Variants in FAM78B observed in about 807,000 individuals in gnomAD.
The protein encoded by FAM78B is family with sequence similarity 78 member B.
In FAM78B, 10 loss-of-function variants were observed where a neutral mutation model predicts 20.0. That is an observed-to-expected ratio of 0.50 (90% CI 0.31 to 0.85). The LOEUF (loss-of-function observed/expected upper bound fraction) is 0.85. Among genes scored for constraint, FAM78B ranks in the 40% least tolerant of loss-of-function variants. The pLI, the probability that FAM78B is intolerant of heterozygous loss-of-function variation, is 0.05. For missense variants in FAM78B, 283 were observed against 345.0 expected, an observed-to-expected ratio of 0.82 and a Z score of 1.42; for synonymous variants, 135 against 132.8, an observed-to-expected ratio of 1.02 and a Z score of -0.12.
In FAM78B at chr1:166,150,206, C is replaced by T. The variant is rs937662055; in HGVS notation, c.263+15780G>A. Among the ~76,000 whole-genome samples the T allele has an allele frequency of 2.7e-5, 4 of 150,000 alleles. No homozygotes were observed. In the East Asian group the frequency reaches 7.9e-4, roughly 30 times the overall value. The stretch of plus-strand genomic sequence containing the variant: ...TTGTGCCTAGTGCACAGTGGGACAA[C>T]GTGCTGGACTCTCTTGTCCTTGGCC... On this transcript the variant is annotated intron_variant, in intron 1 of 1. Transcript: ENST00000354422.
At chr1:166,109,882 G>GTATGTA (rs1653965206) in intron 1 of FAM78B, among the ~76,000 whole-genome samples, 1 of 12,250 alleles carries the variant, frequency 8.2e-5, no homozygotes, top group Non-Finnish European at 2.4e-4. Flanking sequence ...ATATATATAT[G>GTATGTA]TATATATGTA....
chr1:166,073,301 C>G (rs1652121527), intron 1 of FAM78B, among the ~76,000 whole-genome samples: 1 of 152,196 alleles, frequency 6.6e-6, no homozygotes, highest in Non-Finnish European at 1.5e-5. Context: ...TTCCTCAGGT[C>G]AGAGGCATGT....
At chr1:166,114,183 G>A (rs754864272) in intron 1 of FAM78B, among the ~76,000 whole-genome samples, 25 of 152,098 alleles carry the variant, frequency 1.6e-4, no homozygotes, top group African/African-American at 5.6e-4. Context: ...TTGCACATTC[G>A]AATTTTTGAG....
At chr1:166,122,531 G>A (rs1189972254) in intron 1 of FAM78B, among the ~76,000 whole-genome samples, 2 of 152,120 alleles carry the variant, frequency 1.3e-5, no homozygotes, top group African/African-American at 4.8e-5. Context: ...GATATTAACA[G>A]GCCTCAGAAT....
intron 1 of FAM78B, among the ~76,000 whole-genome samples, chr1:166,092,006 T>G (rs1347640309): frequency 6.6e-6 from 1 of 150,386 alleles, no homozygotes; most frequent in South Asian, 2.1e-4. Context: ...GGACAGACAC[T>G]GTGTGGTTAA....
At chr1:166,161,526 G>A (rs1656147618) in intron 1 of FAM78B, among the ~76,000 whole-genome samples, 1 of 152,238 alleles carries the variant, frequency 6.6e-6, no homozygotes, top group Admixed American at 6.5e-5. Flanking sequence ...GTGGGAGGCA[G>A]ACTGGAGGGG....
chr1:166,166,682 C>T lies in FAM78B; in HGVS notation c.-434G>A, dbSNP rs1232369967. 6.7e-6 allele frequency: 1 copy of T among 149,826 alleles called. No individual in the cohort carries two copies. The highest frequency in any genetic ancestry group is 1.5e-5 in the Non-Finnish European group (1 of 67,078). The allele number at this position is 149,826 out of a possible 1,614,324, so 9.3% of individuals were successfully genotyped here. ...GAGGGCGGCGGTGGCAGCGCCCGGT[C>T]TGTCTGCCTCCGCGGCGGCAGCAGC... On this transcript the variant is annotated 5_prime_UTR_variant, in exon 1 of 2. Transcript: ENST00000354422.
chr1:166,101,998 AAC>A (rs1653543791), intron 1 of FAM78B, among the ~76,000 whole-genome samples: 1 of 152,232 alleles, frequency 6.6e-6, no homozygotes, highest in Admixed American at 6.5e-5. Flanking sequence ...CCATCAGACT[AAC>A]AGCTGAACTC....
chr1:166,078,816 A>G (rs6703870), intron 1 of FAM78B, among the ~76,000 whole-genome samples: 76,735 of 151,888 alleles, frequency 0.51, 19,867 homozygotes, highest in East Asian at 0.72. Context: ...GGGGAACCAC[A>G]CATGGAGGAC....
chr1:166,161,946 C>T (rs1339941398), intron 1 of FAM78B, among the ~76,000 whole-genome samples: 1 of 152,130 alleles, frequency 6.6e-6, no homozygotes. Flanking sequence ...GGTTATCTCT[C>T]ACCATTAGGA....
intron 1 of FAM78B, among the ~76,000 whole-genome samples, chr1:166,105,661 A>G (rs995991371): frequency 1.3e-5 from 2 of 152,232 alleles, no homozygotes; most frequent in Non-Finnish European, 2.9e-5. Flanking sequence ...ATGAGACACT[A>G]TCTCACACCA....
At chr1:166,098,035 C>T (rs1219832538) in intron 1 of FAM78B, among the ~76,000 whole-genome samples, 16 of 152,174 alleles carry the variant, frequency 1.1e-4, no homozygotes, top group Admixed American at 1.0e-3. Flanking sequence ...CTGAGAGAAC[C>T]ATAGACCCAC....
In FAM78B at chr1:166,070,462, T is replaced by C. The variant is rs149784255; in HGVS notation, c.565A>G (p.Ile189Val). The C allele has an allele frequency of 4.2e-4, 685 of 1,614,226 alleles. No individual in the cohort carries two copies. Among genetic ancestry groups the C allele is most frequent in the Non-Finnish European group, 5.3e-4 (624 of 1,180,038 alleles). The change falls in exon 2 of 2, where the codon ATC becomes GTC. Residue 189 changes from isoleucine (I) to valine (V), a missense_variant. Ile to Val is a conservative substitution (Grantham distance 29). Transcript: ENST00000354422. ...ATGTCCACCCTCATCCTCCACTTGATGGTCTGCAGAATGATCTTCTCCTTT... is the reference window on the plus strand; with the variant it reads ...ATGTCCACCCTCATCCTCCACTTGACGGTCTGCAGAATGATCTTCTCCTTT... ...TTKEKIILQT[I>V]KWRMRVDIEV...
intron 1 of FAM78B, among the ~76,000 whole-genome samples, chr1:166,155,044 T>A (rs1305016114): frequency 2.6e-5 from 4 of 152,210 alleles, no homozygotes; most frequent in Non-Finnish European, 5.9e-5. Context: ...GATGGTCCCC[T>A]GGGTCTGATC....
intron 1 of FAM78B, among the ~76,000 whole-genome samples, chr1:166,095,738 C>A (rs753270483): frequency 6.6e-6 from 1 of 152,066 alleles, no homozygotes; most frequent in Non-Finnish European, 1.5e-5. Context: ...CACAGACCAC[C>A]CCCACCCCCA....
intron 1 of FAM78B, chr1:166,148,041 C>T (rs752843125): frequency 2.6e-5 from 4 of 152,312 alleles, no homozygotes; most frequent in African/African-American, 7.2e-5. Context: ...CATTGTGGTA[C>T]ACTCTTCCTG....
chr1:166,078,069 G>A (rs908300126), intron 1 of FAM78B, among the ~76,000 whole-genome samples: 3 of 148,202 alleles, frequency 2.0e-5, no homozygotes, highest in African/African-American at 2.5e-5. Context: ...GTCTCGCTCC[G>A]TTTCCAGGCT....
chr1:166,164,809 T>C (rs1656297177), intron 1 of FAM78B: 1 of 152,216 alleles, frequency 6.6e-6, no homozygotes, highest in African/African-American at 2.4e-5. Context: ...TCTAGAGTTT[T>C]AGATTAATAA....
chr1:166,149,167 G>T (rs926541473), intron 1 of FAM78B, among the ~76,000 whole-genome samples: 1 of 152,148 alleles, frequency 6.6e-6, no homozygotes, highest in Non-Finnish European at 1.5e-5. Context: ...CCCAGTAATG[G>T]GATGGCTGGG....
Sources: allele counts gnomAD v4.1 joint callset (sites outside exome capture counted in the v4.1 genomes callset), GRCh38; gene constraint gnomAD v4.1.1; transcripts MANE v1.5; gene names NCBI Gene and HGNC (gene_info 2026-07-23, HGNC 2026-07-21).